The following MICAL2 variants were observed in gnomAD, a reference collection of about 807,000 sequenced individuals.
MICAL2 encodes the protein [F-actin]-monooxygenase MICAL2.
Under a neutral mutation model 127.3 loss-of-function variants are expected in MICAL2, and 77 were observed. The observed-to-expected ratio is 0.60, with a 90% CI of 0.50 to 0.73. MICAL2 has a LOEUF of 0.73. Among genes scored for constraint, MICAL2 ranks in the 30% least tolerant of loss-of-function variants. The probability of loss-of-function intolerance (pLI) is 0.00; values close to 1 mark genes in which losing one functional copy is unlikely to be tolerated. For synonymous variants in MICAL2, 570 were observed against 551.1 expected, an observed-to-expected ratio of 1.03 and a Z score of -0.48; for missense variants, 1,351 against 1,434.4, an observed-to-expected ratio of 0.94 and a Z score of 0.94.
chr11:12,232,562 A>C (rs1858437427), intron 15 of MICAL2, among the ~76,000 whole-genome samples: 1 of 152,154 alleles, frequency 6.6e-6, no homozygotes, highest in African/African-American at 2.4e-5. Context: ...GTCTCTACTA[A>C]AAATACAAAA....
At chr11:12,113,396 C>T (rs548421027) in intron 1 of MICAL2, among the ~76,000 whole-genome samples, 2 of 152,016 alleles carry the variant, frequency 1.3e-5, no homozygotes, top group Non-Finnish European at 2.9e-5. Flanking sequence ...ACAACAACAA[C>T]AAAAAAGGTT....
rs758362324 is a variant in MICAL2 at position 12,139,860 on chromosome 11, T to C, written c.-78+1400T>C. Reference sequence around the variant, plus strand: ...CTGGCTCAATCCTATTGCCCTCAAATGAATTTTTGTTTTGTTCTGTTTCTG... The same window carrying C: ...CTGGCTCAATCCTATTGCCCTCAAACGAATTTTTGTTTTGTTCTGTTTCTG... On this transcript the variant is annotated intron_variant, in intron 2 of 27. Transcript: ENST00000683283. 4.7e-4 allele frequency among the ~76,000 whole-genome samples: 71 copies of C among 151,982 alleles called. 2 individuals carry two copies. The highest frequency in any genetic ancestry group is 1.3e-4 in the Non-Finnish European group (9 of 67,974).
chr11:12,304,629 C>G (rs556192639), intron 29 of MICAL2, among the ~76,000 whole-genome samples: 4 of 144,948 alleles, frequency 2.8e-5, no homozygotes, highest in African/African-American at 1.0e-4. Context: ...GAGCGAAACT[C>G]TGTCTCAAAC....
chr11:12,110,987 T>C lies in MICAL2; in HGVS notation c.-149+261T>C, dbSNP rs563087221. Among the ~76,000 whole-genome samples, 158 of 152,248 alleles carry C rather than the reference T, an allele frequency of 1.0e-3. 1 individual carries two copies. Among genetic ancestry groups the C allele is most frequent in the African/African-American group, 3.6e-3 (149 of 41,560 alleles). ...TCCCACCGGCACGCCGAACTACCTCTTACTCCGCTCCGCAACACCCAAACC... is the reference window on the plus strand; with the variant it reads ...TCCCACCGGCACGCCGAACTACCTCCTACTCCGCTCCGCAACACCCAAACC... On this transcript the variant is annotated intron_variant, in intron 1 of 27. Coordinates refer to ENST00000683283, the MANE Select transcript of MICAL2 (RefSeq NM_001282663.2). The surrounding 1 kb of genome is among the most constrained non-coding windows in gnomAD (Gnocchi z 4.5).
rs75067494 is a variant in MICAL2 at position 12,173,771 on chromosome 11, G to A, written c.264+11352G>A. Among the ~76,000 whole-genome samples, 344 of 152,184 alleles carry A rather than the reference G, an allele frequency of 2.3e-3. 8 individuals carry two copies. The East Asian group carries it at 0.034, about 15-fold the overall frequency. ...TGTAAATTTGTTTGTAATATTTCAT[G>A]TAAGTGGAATCATATTGTCTTTGTC... On this transcript the variant is annotated intron_variant, in intron 3 of 27. Coordinates refer to ENST00000683283, the MANE Select transcript of MICAL2 (RefSeq NM_001282663.2).
intron 32 of MICAL2, chr11:12,349,806 T>C (rs1292435873): frequency 1.9e-6 from 3 of 1,603,724 alleles, no homozygotes; most frequent in African/African-American, 2.7e-5. Flanking sequence ...GAAATGCCAA[T>C]CTAACCCATT....
intron 3 of MICAL2, among the ~76,000 whole-genome samples, chr11:12,184,302 A>T (rs1227082880): frequency 1.3e-5 from 2 of 152,202 alleles, no homozygotes; most frequent in Non-Finnish European, 2.9e-5. Flanking sequence ...GAAGCTCTCT[A>T]TCTGGCTGCC....
In MICAL2 at chr11:12,222,679, A is replaced by G. The variant is rs766679580; in HGVS notation, c.1385A>G (p.Gln462Arg). The G allele has an allele frequency of 6.2e-7, 1 of 1,614,260 alleles. No individual in the cohort carries two copies. The highest frequency in any genetic ancestry group is 2.2e-5 in the East Asian group (1 of 44,886). ...GAGAACATCAACAAGAACTTTGAGC[A>G]GTACACGTTGGACCCAGGGACACGG... is the stretch of plus-strand genomic sequence containing the variant. ...TPENINKNFE[Q>R]YTLDPGTRYP... Residue 462 changes from glutamine (Q) to arginine (R), a missense_variant, in exon 11 of 28, where the codon CAG (glutamine) becomes CGG (arginine). Around this residue, in one of 2 missense-constraint regions of MICAL2, gnomAD observed 599 missense variants for 714.9 expected, o/e 0.84. Transcript: ENST00000683283.
chr11:12,306,973 C>T (rs1257914616), intron 29 of MICAL2, among the ~76,000 whole-genome samples: 1 of 152,180 alleles, frequency 6.6e-6, no homozygotes, highest in Non-Finnish European at 1.5e-5. Context: ...AGCCAAGTTC[C>T]TAGCTATGGG....
intron 16 of MICAL2, 145 bp from the exon 17 acceptor site, chr11:12,239,291 G>T (rs986463554): frequency 1.9e-6 from 2 of 1,050,564 alleles, no homozygotes; most frequent in Admixed American, 4.0e-5. Context: ...TGCGGGGGTG[G>T]CCCTGCTGCC....
intron 3 of MICAL2, among the ~76,000 whole-genome samples, chr11:12,187,056 C>T (rs1858391499): frequency 6.6e-6 from 1 of 152,216 alleles, no homozygotes; most frequent in African/African-American, 2.4e-5. Context: ...TGCTTTCTGC[C>T]TGAGGCTCCA....
chr11:12,169,308 G>A (rs1400828323), intron 3 of MICAL2, among the ~76,000 whole-genome samples: 2 of 151,370 alleles, frequency 1.3e-5, no homozygotes, highest in Non-Finnish European at 2.9e-5. Flanking sequence ...CAGTAGGTGT[G>A]GATCTAACTC....
chr11:12,157,268 G>A (rs1038703254), intron 2 of MICAL2, among the ~76,000 whole-genome samples: 7 of 152,218 alleles, frequency 4.6e-5, no homozygotes, highest in African/African-American at 1.7e-4. Flanking sequence ...TGCAGATCGG[G>A]ATGGGGAGGC....
intron 29 of MICAL2, among the ~76,000 whole-genome samples, chr11:12,306,492 C>T (rs1020080348): frequency 3.9e-5 from 6 of 152,008 alleles, no homozygotes; most frequent in Admixed American, 2.6e-4. Flanking sequence ...TAAAATTTAC[C>T]CTTTTAAAAT....
intron 29 of MICAL2, among the ~76,000 whole-genome samples, chr11:12,298,792 A>T (rs1303997205): frequency 6.6e-6 from 1 of 152,196 alleles, no homozygotes. Context: ...TACGAATTAT[A>T]TCGTAGATTT....
chr11:12,218,489 T>A (rs1475309306), intron 8 of MICAL2, among the ~76,000 whole-genome samples: 4 of 152,226 alleles, frequency 2.6e-5, no homozygotes, highest in African/African-American at 9.6e-5. Flanking sequence ...CCAGGCACTG[T>A]CTTCACTGTG....
At position 12,230,696 on chromosome 11, in the gene MICAL2, C is replaced by G. The variant is rs751870565; in HGVS notation, c.1995+3565C>G. Among the ~76,000 whole-genome samples, 5 of 146,628 alleles carry G rather than the reference C, an allele frequency of 3.4e-5. No individual in the cohort carries two copies. The Admixed American group carries it at 3.6e-4, about 10-fold the overall frequency. The stretch of plus-strand genomic sequence containing the variant: ...AACCTCCCTCCCTGATTTTCACTGA[C>G]GATGTTAAATTCTTCTTTCCCCCCC... On this transcript the variant is annotated intron_variant, in intron 15 of 27. Coordinates refer to ENST00000683283, the MANE Select transcript of MICAL2 (RefSeq NM_001282663.2).
At chr11:12,350,362 T>A (rs4757383) in intron 33 of MICAL2, among the ~76,000 whole-genome samples, 140,235 of 152,312 alleles carry the variant, frequency 0.92, 64,632 homozygotes, top group East Asian at 0.98. Context: ...AAGGACTGAG[T>A]TCTGTCTGGC....
downstream of MICAL2, among the ~76,000 whole-genome samples, chr11:12,293,149 T>C (rs537603590): frequency 1.3e-5 from 2 of 152,306 alleles, no homozygotes; most frequent in African/African-American, 4.8e-5. Flanking sequence ...GGATCATGCC[T>C]TTTAGTACAG....
Sources: gnomAD v4.1 joint callset for allele counts (sites outside exome capture counted in the v4.1 genomes callset) on GRCh38, gnomAD v4.1.1 for gene constraint, gnomAD v4.1.1 regional missense constraint, Gnocchi (gnomAD v3.1) non-coding constraint, MANE v1.5 for transcripts, NCBI Gene and HGNC (gene_info 2026-07-23, HGNC 2026-07-21) for gene names.